RPS6KA2: variants seen among roughly 807,000 people sequenced by gnomAD.
RPS6KA2 encodes ribosomal protein S6 kinase alpha-2.
RPS6KA2 carries 42 observed loss-of-function variants against 91.8 expected under a neutral mutation model. The ratio of observed to expected loss-of-function variants is 0.46; its 90% CI spans 0.36 to 0.59. RPS6KA2 has a LOEUF of 0.59. RPS6KA2 is among the 20% of genes least tolerant of loss of function. The probability of loss-of-function intolerance (pLI) is 0.00; values close to 1 mark genes in which losing one functional copy is unlikely to be tolerated. For synonymous variants in RPS6KA2, 414 were observed against 393.6 expected (o/e 1.05, Z -0.61); for missense variants, 798 against 978.5 (o/e 0.82, Z 2.46).
At chr6:166,838,962 C>G (rs1011112384) in intron 2 of RPS6KA2, among the ~76,000 whole-genome samples, 1 of 152,102 alleles carries the variant, frequency 6.6e-6, no homozygotes, top group South Asian at 2.1e-4. Context: ...GGAGTGAGGC[C>G]GCTGCAGGAA....
intron 4 of RPS6KA2, chr6:166,509,515 T>C (rs1283335831): frequency 6.2e-6 from 1 of 161,048 alleles, no homozygotes; most frequent in Non-Finnish European, 1.5e-5. Context: ...TGTCCTCAGA[T>C]TCACGCAAAT....
rs575714481 is a variant in RPS6KA2, at chr6:166,837,664, G to C, written c.123+20536C>G. On this transcript the variant is annotated intron_variant, in intron 2 of 21. Coordinates refer to the RPS6KA2 transcript ENST00000503859. ...CCAGCTGTGTCCTCATCACCTCTGT[G>C]GGGGTGGCTGTGTCTTCCACCCGCC... 2.0e-5 allele frequency among the ~76,000 whole-genome samples: 3 copies of C among 152,284 alleles called. No individual in the cohort carries two copies. In the South Asian group the frequency reaches 6.2e-4, roughly 32 times the overall value.
At chr6:166,424,564 C>T (rs1252435140) in intron 16 of RPS6KA2, among the ~76,000 whole-genome samples, 1 of 152,202 alleles carries the variant, frequency 6.6e-6, no homozygotes, top group Non-Finnish European at 1.5e-5. Flanking sequence ...AAGAGCACTG[C>T]CTGGAACCAG....
At chr6:166,687,691 T>A in intron 2 of RPS6KA2, among the ~76,000 whole-genome samples, 1 of 152,378 alleles carries the variant, frequency 6.6e-6, no homozygotes, top group Middle Eastern at 3.4e-3. Context: ...TGATTTTCTG[T>A]GCTGAAGAGC....
intron 2 of RPS6KA2, among the ~76,000 whole-genome samples, chr6:166,693,929 T>C (rs1789286426): frequency 6.6e-6 from 1 of 152,332 alleles, no homozygotes; most frequent in African/African-American, 2.4e-5. Context: ...TAGACATCCC[T>C]CTGTCCCCTA....
At chr6:166,468,403 T>C (rs1780620407) in intron 11 of RPS6KA2, among the ~76,000 whole-genome samples, 3 of 152,242 alleles carry the variant, frequency 2.0e-5, no homozygotes, top group Non-Finnish European at 4.4e-5. Flanking sequence ...AAGTTATCAC[T>C]CTTCCCCAGT....
In RPS6KA2 at chr6:166,459,998, C is replaced by G. The variant is rs1780221778; in HGVS notation, c.973-447G>C. Among the ~76,000 whole-genome samples, 1 of 152,194 alleles carries G rather than the reference C, an allele frequency of 6.6e-6. No homozygotes were observed. Among genetic ancestry groups the G allele is most frequent in the African/African-American group, 2.4e-5 (1 of 41,444 alleles). Reference sequence around the variant, plus strand: ...TGCCCTGGGACTTTGGGGCCAGCACCACGGAACTTCAGCTCTGCGGGGCAC... The same window carrying G: ...TGCCCTGGGACTTTGGGGCCAGCACGACGGAACTTCAGCTCTGCGGGGCAC... On this transcript the variant is annotated intron_variant, in intron 11 of 20. Transcript: ENST00000265678. The surrounding 1 kb of genome is among the most constrained non-coding windows in gnomAD (Gnocchi z 4.9).
At chr6:166,566,407 G>A (rs912010147) in intron 1 of RPS6KA2, among the ~76,000 whole-genome samples, 2 of 152,222 alleles carry the variant, frequency 1.3e-5, no homozygotes, top group African/African-American at 4.8e-5. Context: ...AGGGATGGAT[G>A]GCTACCACCT....
At chr6:166,602,622 C>A (rs1785785936) in intron 1 of RPS6KA2, among the ~76,000 whole-genome samples, 2 of 152,182 alleles carry the variant, frequency 1.3e-5, no homozygotes, top group Non-Finnish European at 1.5e-5. Context: ...CGAGATGACT[C>A]CATTTATATG....
chr6:166,541,134 C>T (rs16899119), intron 1 of RPS6KA2, among the ~76,000 whole-genome samples: 2 of 152,218 alleles, frequency 1.3e-5, no homozygotes, highest in East Asian at 1.9e-4. Flanking sequence ...TGTGTTAATG[C>T]GACGCCCACA....
At chr6:166,715,384 A>T (rs1184911016) in intron 2 of RPS6KA2, among the ~76,000 whole-genome samples, 1 of 152,206 alleles carries the variant, frequency 6.6e-6, no homozygotes, top group African/African-American at 2.4e-5. Flanking sequence ...AAAGGAGTAA[A>T]CTTATCCAGG....
chr6:166,835,479 C>T (rs961381316), intron 2 of RPS6KA2, among the ~76,000 whole-genome samples: 1 of 152,174 alleles, frequency 6.6e-6, no homozygotes, highest in Non-Finnish European at 1.5e-5. Context: ...ATTTTCAGTA[C>T]ACAAACCTTG....
At chr6:166,620,908 C>T (rs998843591) in intron 1 of RPS6KA2, among the ~76,000 whole-genome samples, 12 of 152,164 alleles carry the variant, frequency 7.9e-5, no homozygotes, top group South Asian at 2.1e-4. Context: ...AAGGGGCAGC[C>T]GGCAAGGTCA....
rs1413008184 is a variant in RPS6KA2, at chr6:166,733,859, G to A, written c.123+124341C>T. On this transcript the variant is annotated intron_variant, in intron 2 of 21. Coordinates refer to the RPS6KA2 transcript ENST00000503859. The surrounding 1 kb of genome is among the most constrained non-coding windows in gnomAD (Gnocchi z 4.1). ...GCGGATATGAGCAGGTTTACAGGCT[G>A]AACAGAGTAAACCAATAGAAAGAGA... Among the ~76,000 whole-genome samples the A allele has an allele frequency of 1.3e-5, 2 of 152,178 alleles. No homozygotes were observed. The highest frequency in any genetic ancestry group is 3.8e-4 in the East Asian group (2 of 5,198).
chr6:166,451,098 G>A lies in RPS6KA2; in HGVS notation c.1206+5C>T, dbSNP rs1779897539. On this transcript the variant is annotated splice_donor_5th_base_variant and intron_variant, in intron 13 of 20. Transcript: ENST00000265678. ...CCCCAACCCACTGCAGGCAAACACA[G>A]TTACCTGCACGATTGGGTGAACTGG... 4 of 1,613,954 alleles carry A rather than the reference G, an allele frequency of 2.5e-6. No homozygotes were observed. The East Asian group carries it at 6.7e-5, about 27-fold the overall frequency.
At chr6:166,505,889 T>G (rs192392338) in intron 5 of RPS6KA2, among the ~76,000 whole-genome samples, 1 of 152,352 alleles carries the variant, frequency 6.6e-6, no homozygotes, top group Admixed American at 6.5e-5. Flanking sequence ...TCCTCTGACT[T>G]GACATATCCA....
intron 2 of RPS6KA2, among the ~76,000 whole-genome samples, chr6:166,786,477 T>C (rs1180826217): frequency 6.8e-6 from 1 of 147,992 alleles, no homozygotes; most frequent in Non-Finnish European, 1.5e-5. Context: ...AATTCATGAA[T>C]GATATCACGG....
chr6:166,799,340 A>G (rs1388974338), intron 2 of RPS6KA2, among the ~76,000 whole-genome samples: 1 of 152,240 alleles, frequency 6.6e-6, no homozygotes, highest in African/African-American at 2.4e-5. Context: ...ACTAATAATT[A>G]TAAGGATAAT....
chr6:166,658,427 C>T (rs1788062077), intron 2 of RPS6KA2, among the ~76,000 whole-genome samples: 1 of 152,228 alleles, frequency 6.6e-6, no homozygotes, highest in Non-Finnish European at 1.5e-5. Context: ...ACTCAGCTGT[C>T]AGCTGCTCTC....
Sources: gnomAD v4.1 joint callset for allele counts (sites outside exome capture counted in the v4.1 genomes callset) on GRCh38, gnomAD v4.1.1 for gene constraint, Gnocchi (gnomAD v3.1) non-coding constraint, MANE v1.5 for transcripts, NCBI Gene and HGNC (gene_info 2026-07-23, HGNC 2026-07-21) for gene names.